UBR3: variants seen among roughly 807,000 people sequenced by gnomAD.
UBR3 encodes the protein E3 ubiquitin-protein ligase UBR3.
In UBR3, 85 loss-of-function variants were observed where a neutral mutation model predicts 243.2. That is an observed-to-expected ratio of 0.35 (90% CI 0.29 to 0.42). The LOEUF (loss-of-function observed/expected upper bound fraction) is 0.42, where lower values mean the gene tolerates loss of function less well. UBR3 is among the 10% of genes least tolerant of loss of function. The pLI is 1.00. For synonymous variants in UBR3, 748 were observed against 799.8 expected, an observed-to-expected ratio of 0.94 and a Z score of 1.09; for missense variants, 1,686 against 2,300.8, an observed-to-expected ratio of 0.73 and a Z score of 5.47.
intron 4 of UBR3, 51 bp downstream of exon 4, chr2:169,877,688 C>CA (rs1024356813): frequency 6.1e-6 from 9 of 1,469,448 alleles, no homozygotes; most frequent in Non-Finnish European, 8.1e-6. Flanking sequence ...GTATTAAAAC[C>CA]AAAAAAACCT....
chr2:169,837,277 G>A (rs1342706032), intron 1 of UBR3, among the ~76,000 whole-genome samples: 1 of 152,234 alleles, frequency 6.6e-6, no homozygotes, highest in Non-Finnish European at 1.5e-5. Flanking sequence ...GGGAGTTCGA[G>A]ACCAGCCTGA....
intron 31 of UBR3, among the ~76,000 whole-genome samples, chr2:170,038,221 A>G (rs182938407): frequency 3.9e-5 from 6 of 152,314 alleles, no homozygotes; most frequent in East Asian, 1.9e-4. Flanking sequence ...TTTTTGTGCA[A>G]TAAAGTACAG....
At chr2:169,934,153 A>G (rs1574234331) in intron 19 of UBR3, among the ~76,000 whole-genome samples, 1 of 152,190 alleles carries the variant, frequency 6.6e-6, no homozygotes, top group South Asian at 2.1e-4. Context: ...TATTCATAAT[A>G]TATTTGTTGA....
At chr2:170,015,793 T>G (rs1485681994) in intron 30 of UBR3, among the ~76,000 whole-genome samples, 1 of 151,932 alleles carries the variant, frequency 6.6e-6, no homozygotes, top group Admixed American at 6.6e-5. Flanking sequence ...GTATTGAAAT[T>G]GCACGTTTGC....
chr2:170,003,430 A>G (rs879286815), intron 27 of UBR3, among the ~76,000 whole-genome samples: 34 of 151,072 alleles, frequency 2.3e-4, no homozygotes, highest in African/African-American at 8.1e-4. Context: ...AGTTCCTTAA[A>G]CACATTATGC....
intron 14 of UBR3, among the ~76,000 whole-genome samples, chr2:169,926,399 C>T (rs1381834507): frequency 1.4e-4 from 22 of 152,072 alleles, no homozygotes; most frequent in Non-Finnish European, 3.2e-4. Flanking sequence ...ACCAGCCTGG[C>T]CAACACGTCG....
At chr2:170,041,423 A>T (rs1322054980) in intron 32 of UBR3, among the ~76,000 whole-genome samples, 1 of 152,178 alleles carries the variant, frequency 6.6e-6, no homozygotes, top group Non-Finnish European at 1.5e-5. Flanking sequence ...AAAATTCGAA[A>T]AATAGAGCAA....
chr2:170,050,020 T>C (rs1218971524), intron 32 of UBR3, among the ~76,000 whole-genome samples: 1 of 152,210 alleles, frequency 6.6e-6, no homozygotes, highest in Non-Finnish European at 1.5e-5. Flanking sequence ...TTGAGAATGT[T>C]GGCAGTTTAT....
intron 36 of UBR3, among the ~76,000 whole-genome samples, chr2:170,076,218 GTTATTTTCTAAAAGAAC>G (rs2091806692): frequency 6.6e-6 from 1 of 152,132 alleles, no homozygotes; most frequent in South Asian, 2.1e-4. Flanking sequence ...AAGAAAAGGG[GTTATTTTCTAAAAGAAC>G]TTATAATGTT....
intron 20 of UBR3, among the ~76,000 whole-genome samples, chr2:169,945,827 T>C (rs1246242389): frequency 6.6e-6 from 1 of 152,192 alleles, no homozygotes; most frequent in African/African-American, 2.4e-5. Flanking sequence ...GCATTCCTTC[T>C]ACCTTTCTCC....
At chr2:169,854,135 A>G (rs1017507059) in intron 1 of UBR3, among the ~76,000 whole-genome samples, 10 of 152,316 alleles carry the variant, frequency 6.6e-5, no homozygotes, top group East Asian at 3.9e-4. Flanking sequence ...ATGTATACCT[A>G]TGTAACAAAC....
At chr2:169,867,686 T>C (rs1279120063) in intron 1 of UBR3, among the ~76,000 whole-genome samples, 2 of 152,234 alleles carry the variant, frequency 1.3e-5, no homozygotes, top group African/African-American at 4.8e-5. Flanking sequence ...GAATCTTTCC[T>C]GATCTGCAAG....
At position 170,083,671 on chromosome 2, in the gene UBR3, T is replaced by C. The variant is rs989182384; in HGVS notation, c.*1828T>C. The stretch of plus-strand genomic sequence containing the variant: ...TATAATGTATTCAGACTTTGATTAC[T>C]ACTTATTTAAAATGGAATGTTTTAT... On this transcript the variant is annotated 3_prime_UTR_variant, in exon 39 of 39. Transcript: ENST00000272793. The C allele has an allele frequency of 5.9e-5, 9 of 152,618 alleles. No individual in the cohort carries two copies. 9.5% of individuals were successfully genotyped at this position (152,618 alleles called of 1,614,324 possible). A position where few individuals can be genotyped will look rare whatever the true frequency, so the allele number is the denominator to read the frequency against.
chr2:169,853,554 G>A (rs894073055), intron 1 of UBR3, among the ~76,000 whole-genome samples: 1 of 151,610 alleles, frequency 6.6e-6, no homozygotes, highest in Non-Finnish European at 1.5e-5. Context: ...AGGTTCAAAC[G>A]ATTCTCCTGC....
intron 26 of UBR3, among the ~76,000 whole-genome samples, chr2:169,995,385 A>G (rs1217015962): frequency 6.6e-6 from 1 of 152,106 alleles, no homozygotes; most frequent in East Asian, 1.9e-4. Flanking sequence ...ATGTATGCAT[A>G]CTCCGCATTT....
intron 24 of UBR3, among the ~76,000 whole-genome samples, chr2:169,975,655 T>C (rs1471800515): frequency 6.6e-6 from 1 of 152,142 alleles, no homozygotes; most frequent in African/African-American, 2.4e-5. Flanking sequence ...TTAGAATTGT[T>C]GTATCCTCTT....
At chr2:169,866,001 T>A (rs113688479) in intron 1 of UBR3, among the ~76,000 whole-genome samples, 6,609 of 151,630 alleles carry the variant, frequency 0.044, 165 homozygotes, top group Middle Eastern at 0.068. Flanking sequence ...AATACAAAAA[T>A]GTAGATGGGC....
At chr2:169,845,022 A>G (rs1446757520) in intron 1 of UBR3, among the ~76,000 whole-genome samples, 2 of 152,190 alleles carry the variant, frequency 1.3e-5, no homozygotes, top group Admixed American at 1.3e-4. Context: ...CTCTAAGCAC[A>G]GTGTACAGGC....
At chr2:170,052,555 G>A (rs554760277) in intron 32 of UBR3, among the ~76,000 whole-genome samples, 2 of 152,302 alleles carry the variant, frequency 1.3e-5, no homozygotes, top group East Asian at 3.9e-4. Context: ...CGACAGCATG[G>A]ATGAACCCAT....
Sources: allele counts gnomAD v4.1 joint callset (sites outside exome capture counted in the v4.1 genomes callset), GRCh38; gene constraint gnomAD v4.1.1; transcripts MANE v1.5; gene names NCBI Gene and HGNC (gene_info 2026-07-23, HGNC 2026-07-21).